Variants in HCN1 observed in about 807,000 individuals in gnomAD.
The protein encoded by HCN1 is potassium/sodium hyperpolarization-activated cyclic nucleotide-gated channel 1.
In HCN1, 13 loss-of-function variants were observed where a neutral mutation model predicts 78.9. The ratio of observed to expected loss-of-function variants is 0.16; its 90% CI spans 0.11 to 0.26. HCN1 has a LOEUF of 0.26. Ranked by LOEUF, HCN1 falls within the 10% of genes least tolerant of loss-of-function variation. HCN1 has a pLI of 1.00. For missense variants in HCN1, 810 were observed against 1,154.3 expected, an observed-to-expected ratio of 0.70 and a Z score of 4.32; for synonymous variants, 552 against 455.5, an observed-to-expected ratio of 1.21 and a Z score of -2.70.
intron 3 of HCN1, among the ~76,000 whole-genome samples, chr5:45,409,446 G>T (rs977144296): frequency 2.6e-5 from 4 of 152,108 alleles, no homozygotes; most frequent in East Asian, 3.9e-4. Flanking sequence ...AGCAGCTTAC[G>T]TAGTAATTGG....
intron 6 of HCN1, among the ~76,000 whole-genome samples, chr5:45,267,498 A>G (rs1210344432): frequency 6.6e-6 from 1 of 150,600 alleles, no homozygotes; most frequent in Non-Finnish European, 1.5e-5. Flanking sequence ...GGCCAGGCGC[A>G]GTGGCTCACG....
chr5:45,275,226 A>T (rs150783293), intron 6 of HCN1, among the ~76,000 whole-genome samples: 2,549 of 150,962 alleles, frequency 0.017, 69 homozygotes, highest in African/African-American at 0.059. Context: ...AGCCTCGGTG[A>T]TGGAGTGAGA....
chr5:45,557,511 A>G (rs975177774), intron 2 of HCN1, among the ~76,000 whole-genome samples: 3 of 152,088 alleles, frequency 2.0e-5, no homozygotes, highest in Non-Finnish European at 2.9e-5. Flanking sequence ...CCCTCATTTT[A>G]TGGTGCATGG....
chr5:45,694,165 T>C (rs1018282599), intron 1 of HCN1, among the ~76,000 whole-genome samples: 1 of 152,230 alleles, frequency 6.6e-6, no homozygotes, highest in Non-Finnish European at 1.5e-5. Context: ...CTTTTTAATA[T>C]GAACATTTTC....
intron 5 of HCN1, among the ~76,000 whole-genome samples, chr5:45,330,455 T>C (rs1746322579): frequency 6.6e-6 from 1 of 150,922 alleles, no homozygotes; most frequent in Non-Finnish European, 1.5e-5. Flanking sequence ...TATATACATA[T>C]ATATATAATG....
intron 3 of HCN1, among the ~76,000 whole-genome samples, chr5:45,457,588 C>A (rs752161282): frequency 5.9e-5 from 9 of 152,134 alleles, no homozygotes; most frequent in Non-Finnish European, 8.8e-5. Context: ...GTAGCCTGCA[C>A]TTTTAGTCCG....
chr5:45,669,247 A>G (rs1251525855), intron 1 of HCN1, among the ~76,000 whole-genome samples: 1 of 151,844 alleles, frequency 6.6e-6, no homozygotes, highest in East Asian at 1.9e-4. Context: ...TGGAGTCAGG[A>G]GTCTTTGTGA....
chr5:45,622,811 T>C (rs1745094365), intron 2 of HCN1, among the ~76,000 whole-genome samples: 1 of 152,152 alleles, frequency 6.6e-6, no homozygotes. Flanking sequence ...TCAAATTGTA[T>C]ATAAGGTTAT....
At chr5:45,381,347 A>T (rs1390998664) in intron 4 of HCN1, among the ~76,000 whole-genome samples, 1 of 152,150 alleles carries the variant, frequency 6.6e-6, no homozygotes, top group Non-Finnish European at 1.5e-5. Context: ...TTCTATCATT[A>T]TGGATACATC....
chr5:45,546,267 A>G (rs961888316), intron 2 of HCN1, among the ~76,000 whole-genome samples: 1 of 151,964 alleles, frequency 6.6e-6, no homozygotes, highest in Admixed American at 6.6e-5. Flanking sequence ...ACTGATACAT[A>G]ATAAAAGGAA....
intron 3 of HCN1, among the ~76,000 whole-genome samples, chr5:45,409,038 T>C (rs1234940633): frequency 6.6e-6 from 1 of 152,082 alleles, no homozygotes; most frequent in Non-Finnish European, 1.5e-5. Flanking sequence ...TATATGAGAG[T>C]AAGGCATTAG....
In HCN1 at chr5:45,481,378, A is replaced by T. The variant is rs552790871; in HGVS notation, c.850-19371T>A. On this transcript the variant is annotated intron_variant, in intron 2 of 7. Coordinates refer to ENST00000303230, the MANE Select transcript of HCN1 (RefSeq NM_021072.4). ...AAACTAGATATGAATCTCATTATAT[A>T]TGGCTCCTTTGCATTTTTTCATGAT... Among the ~76,000 whole-genome samples the T allele has an allele frequency of 5.9e-5, 9 of 152,334 alleles. No homozygotes were observed. In the South Asian group the frequency reaches 1.7e-3, roughly 28 times the overall value.
intron 5 of HCN1, among the ~76,000 whole-genome samples, chr5:45,313,161 G>A (rs908904628): frequency 6.6e-6 from 1 of 152,164 alleles, no homozygotes; most frequent in Non-Finnish European, 1.5e-5. Context: ...ACCCCTCTGA[G>A]ATGAAGCTTC....
At chr5:45,520,841 TTATAA>T (rs1025855660) in intron 2 of HCN1, among the ~76,000 whole-genome samples, 3 of 151,974 alleles carry the variant, frequency 2.0e-5, no homozygotes, top group Non-Finnish European at 2.9e-5. Context: ...AGGCAAGTCA[TTATAA>T]TATAATATAA....
At position 45,650,629 on chromosome 5, in the gene HCN1, T is replaced by C. The variant is rs184267207; in HGVS notation, c.426-5021A>G. On this transcript the variant is annotated intron_variant, in intron 1 of 7. Coordinates refer to ENST00000303230, the MANE Select transcript of HCN1 (RefSeq NM_021072.4). ...TAAATAAAATATTATCACTAATAAG[T>C]ATAATATTAACTACTAATAAAATAA... is the stretch of plus-strand genomic sequence containing the variant. Among the ~76,000 whole-genome samples the C allele has an allele frequency of 2.1e-3, 322 of 152,142 alleles. 2 individuals carry two copies. Among genetic ancestry groups the C allele is most frequent in the Non-Finnish European group, 3.9e-3 (265 of 67,934 alleles).
chr5:45,262,252 C>A lies in HCN1; in HGVS notation c.2342G>T (p.Arg781Leu). The stretch of plus-strand genomic sequence containing the variant: ...CGAGGCGGAGAGTGGCCTGACTTCC[C>A]GGGTCAGGTTGGTGTTGTGAAGCGC... The part of the protein sequence containing the change: ...TQALHNTNLT[R>L]EVRPLSASQP... The change falls in exon 8 of 8, where the codon CGG becomes CTG. Residue 781 changes from arginine (R) to leucine (L), a missense_variant. By Grantham distance (102) the Arg-to-Leu change is moderately radical. Around this residue, in one of 6 missense-constraint regions of HCN1, gnomAD observed 398 missense variants for 381.3 expected, o/e 1.04. Coordinates refer to ENST00000303230, the MANE Select transcript of HCN1 (RefSeq NM_021072.4). The A allele has an allele frequency of 6.2e-7, 1 of 1,614,006 alleles. No homozygotes were observed. The highest frequency in any genetic ancestry group is 1.1e-5 in the South Asian group (1 of 91,082).
intron 2 of HCN1, among the ~76,000 whole-genome samples, chr5:45,547,624 T>C (rs1235050399): frequency 6.6e-6 from 1 of 151,930 alleles, no homozygotes; most frequent in African/African-American, 2.4e-5. Context: ...CAAATATCAA[T>C]GTATATTAAA....
chr5:45,373,393 TATATATTATATAAA>T (rs1489789050), intron 4 of HCN1, among the ~76,000 whole-genome samples: 1 of 106,590 alleles, frequency 9.4e-6, no homozygotes, highest in East Asian at 3.1e-4. Context: ...TATATGTAAA[TATATATTATATAAA>T]ATATATTATA....
intron 5 of HCN1, among the ~76,000 whole-genome samples, chr5:45,321,596 C>G (rs535327992): frequency 6.6e-6 from 1 of 151,746 alleles, no homozygotes; most frequent in East Asian, 1.9e-4. Flanking sequence ...CTTCTTTAAT[C>G]TAAAATTTTG....
Sources: allele counts gnomAD v4.1 joint callset (sites outside exome capture counted in the v4.1 genomes callset), GRCh38; gene constraint gnomAD v4.1.1; regional missense constraint gnomAD v4.1.1; transcripts MANE v1.5; gene names NCBI Gene and HGNC (gene_info 2026-07-23, HGNC 2026-07-21).